Variants in DISP1 observed in about 807,000 individuals in gnomAD.
The protein encoded by DISP1 is protein dispatched homolog 1.
A neutral mutation model predicts 37.3 loss-of-function variants in DISP1; 30 were observed. That is an observed-to-expected ratio of 0.80 (90% CI 0.60 to 1.09). The LOEUF (loss-of-function observed/expected upper bound fraction) is 1.09. Ranked by LOEUF, DISP1 falls within the 50% of genes least tolerant of loss-of-function variation. The pLI is 0.00. For synonymous variants in DISP1, 634 were observed against 690.2 expected (o/e 0.92, Z 1.28); for missense variants, 1,598 against 1,879.5 (o/e 0.85, Z 2.77).
At chr1:222,903,447 AT>A (rs1363248935) in intron 1 of DISP1, among the ~76,000 whole-genome samples, 1 of 142,424 alleles carries the variant, frequency 7.0e-6, no homozygotes, top group Non-Finnish European at 1.6e-5. Flanking sequence ...TTAAAGTATA[AT>A]TAAAAAAAAA....
At chr1:222,878,275 A>G (rs1366063583) in intron 1 of DISP1, among the ~76,000 whole-genome samples, 2 of 152,228 alleles carry the variant, frequency 1.3e-5, no homozygotes, top group Non-Finnish European at 2.9e-5. Context: ...CGCAGAAACC[A>G]GTGCTGGTCA....
At chr1:222,845,592 T>C (rs61839609) in intron 1 of DISP1, among the ~76,000 whole-genome samples, 14,392 of 152,246 alleles carry the variant, frequency 0.095, 773 homozygotes, top group African/African-American at 0.12. Context: ...CTTAATGCTG[T>C]GCTTTTTGAG....
At chr1:222,871,140 A>G (rs567973193) in intron 1 of DISP1, among the ~76,000 whole-genome samples, 96 of 151,968 alleles carry the variant, frequency 6.3e-4, no homozygotes, top group South Asian at 2.5e-3. Context: ...GTTCTGTTCC[A>G]TTGGTCTATA....
chr1:222,924,934 T>C (rs1673000083), intron 1 of DISP1, among the ~76,000 whole-genome samples: 1 of 152,098 alleles, frequency 6.6e-6, no homozygotes, highest in Non-Finnish European at 1.5e-5. Flanking sequence ...CCCCATGCCC[T>C]TGTCTTCCTA....
intron 3 of DISP1, among the ~76,000 whole-genome samples, chr1:222,981,597 A>G (rs1251947780): frequency 6.6e-6 from 1 of 152,240 alleles, no homozygotes; most frequent in Non-Finnish European, 1.5e-5. Context: ...TAGGAATTAG[A>G]TAAATGTTTC....
At chr1:222,831,415 T>C (rs532610507) in intron 1 of DISP1, among the ~76,000 whole-genome samples, 1 of 152,320 alleles carries the variant, frequency 6.6e-6, no homozygotes, top group South Asian at 2.1e-4. Flanking sequence ...TAAATGCCCA[T>C]GATGTATAAG....
At chr1:222,821,593 C>T (rs969338564) in intron 1 of DISP1, among the ~76,000 whole-genome samples, 6 of 152,008 alleles carry the variant, frequency 3.9e-5, no homozygotes, top group Non-Finnish European at 7.4e-5. Context: ...TGGCAGTTTT[C>T]GGCCAGGTGC....
intron 1 of DISP1, among the ~76,000 whole-genome samples, chr1:222,868,532 T>A (rs1422439773): frequency 6.6e-6 from 1 of 152,148 alleles, no homozygotes; most frequent in Non-Finnish European, 1.5e-5. Context: ...TTTTTCTTCA[T>A]TTATTGTTGT....
intron 2 of DISP1, among the ~76,000 whole-genome samples, chr1:222,941,085 A>G (rs752736481): frequency 5.3e-5 from 8 of 152,232 alleles, no homozygotes; most frequent in Non-Finnish European, 1.0e-4. Flanking sequence ...ACTGAAGCAT[A>G]AATGAGCAGA....
intron 4 of DISP1, chr1:222,989,263 C>T: frequency 2.0e-6 from 1 of 504,874 alleles, no homozygotes; most frequent in Non-Finnish European, 2.6e-6. Flanking sequence ...CCAGAAATAG[C>T]CATTGCAGCA....
intron 3 of DISP1, among the ~76,000 whole-genome samples, chr1:222,973,418 A>G (rs1293201391): frequency 3.3e-5 from 5 of 152,096 alleles, no homozygotes; most frequent in Non-Finnish European, 7.3e-5. Flanking sequence ...CTTTTTTCAT[A>G]TGAATACAGT....
At chr1:222,885,999 G>A (rs61840286) in intron 1 of DISP1, among the ~76,000 whole-genome samples, 17,990 of 151,896 alleles carry the variant, frequency 0.12, 1,155 homozygotes, top group African/African-American at 0.14. Flanking sequence ...ATGTGAATAA[G>A]TTTGAAAACT....
rs1005674752 is a variant in DISP1 at position 222,898,036 on chromosome 1, A to G, written c.-158-30394A>G. 5.3e-5 allele frequency among the ~76,000 whole-genome samples: 8 copies of G among 152,284 alleles called. No individual in the cohort carries two copies. In the East Asian group the frequency reaches 1.5e-3, roughly 29 times the overall value. On this transcript the variant is annotated intron_variant, in intron 1 of 8. Transcript: ENST00000675850. ...GATGTCCTGCAGATGAACTGGTGACATCTGATATTCACTAGTCATGTTCGT... is the reference window on the plus strand; with the variant it reads ...GATGTCCTGCAGATGAACTGGTGACGTCTGATATTCACTAGTCATGTTCGT...
rs59171294 is a variant in DISP1, at chr1:222,936,829, TA to T, written c.-17-5975del. On this transcript the variant is annotated intron_variant, in intron 2 of 8. Transcript: ENST00000675850. ...ATATATAAATTATATATAATATATATAAATTATATATATCATATATATGATA... is the reference window on the plus strand; with the variant it reads ...ATATATAAATTATATATAATATATATAATTATATATATCATATATATGATA... Among the ~76,000 whole-genome samples the T allele has an allele frequency of 5.9e-5, 3 of 50,870 alleles. No homozygotes were observed. The East Asian group carries it at 2.2e-3, about 37-fold the overall frequency. The allele number at this position is 50,870 out of a possible 152,430, so 33.4% of individuals were successfully genotyped here.
At chr1:222,931,439 T>C (rs1673389032) in intron 2 of DISP1, among the ~76,000 whole-genome samples, 1 of 151,962 alleles carries the variant, frequency 6.6e-6, no homozygotes, top group African/African-American at 2.4e-5. Flanking sequence ...AGAGCTATAG[T>C]GATACAGATA....
At chr1:222,973,196 T>A (rs370623928) in intron 3 of DISP1, among the ~76,000 whole-genome samples, 21 of 152,200 alleles carry the variant, frequency 1.4e-4, no homozygotes, top group African/African-American at 4.8e-4. Context: ...TGAATACATA[T>A]GCAATTACCC....
At chr1:222,936,471 C>G (rs72742241) in intron 2 of DISP1, among the ~76,000 whole-genome samples, 1,699 of 149,470 alleles carry the variant, frequency 0.011, 17 homozygotes, top group South Asian at 0.028. Context: ...TTTGAACCAT[C>G]TAATCATATG....
At chr1:222,955,332 G>T (rs1223744054) in intron 3 of DISP1, among the ~76,000 whole-genome samples, 1 of 152,076 alleles carries the variant, frequency 6.6e-6, no homozygotes, top group Non-Finnish European at 1.5e-5. Flanking sequence ...TGATCTACCT[G>T]CCTCGACCTC....
chr1:222,926,363 A>G (rs1340378233), intron 1 of DISP1, among the ~76,000 whole-genome samples: 1 of 152,212 alleles, frequency 6.6e-6, no homozygotes, highest in Admixed American at 6.5e-5. Context: ...GCAGTTATGA[A>G]TAAGGCACTA....
Sources: gnomAD v4.1 joint callset for allele counts (sites outside exome capture counted in the v4.1 genomes callset) on GRCh38, gnomAD v4.1.1 for gene constraint, MANE v1.5 for transcripts, NCBI Gene and HGNC (gene_info 2026-07-23, HGNC 2026-07-21) for gene names.